The following CDA variants were observed in gnomAD, a reference collection of about 807,000 sequenced individuals.
CDA encodes the protein cytidine deaminase.
CDA carries 7 observed loss-of-function variants against 15.0 expected under a neutral mutation model. The ratio of observed to expected loss-of-function variants is 0.47; its 90% CI spans 0.26 to 0.87. CDA has a LOEUF of 0.87. Ranked by LOEUF, CDA falls within the 40% of genes least tolerant of loss-of-function variation. The probability of loss-of-function intolerance (pLI) is 0.15; values close to 1 mark genes in which losing one functional copy is unlikely to be tolerated. For missense variants in CDA, 159 were observed against 182.7 expected (o/e 0.87, Z 0.75); for synonymous variants, 58 against 73.0 (o/e 0.79, Z 1.05).
rs1185037165 is a variant in CDA, at chr1:20,605,014, G to T, written c.241G>T (p.Asp81Tyr). Residue 81 changes from aspartate to tyrosine, a missense_variant, in exon 2 of 4, where the codon GAT becomes TAT. Transcript: ENST00000375071. ...GAAGGCCGTCTCAGAAGGGTACAAG[G>T]ATTTCAGGGCAATTGCTATCGCCAG... ...IQKAVSEGYK[D>Y]FRAIAIASDM... 2 of 1,613,134 alleles carry T rather than the reference G, an allele frequency of 1.2e-6. No homozygotes were observed. The highest frequency in any genetic ancestry group is 1.7e-6 in the Non-Finnish European group (2 of 1,179,312).
At chr1:20,595,131 A>G (rs751893013) in intron 1 of CDA, among the ~76,000 whole-genome samples, 1 of 152,152 alleles carries the variant, frequency 6.6e-6, no homozygotes, top group Non-Finnish European at 1.5e-5. Context: ...TCTTCAGCTC[A>G]TGACCTTAGG....
chr1:20,612,082 C>T (rs1177039540), intron 2 of CDA, among the ~76,000 whole-genome samples: 2 of 152,072 alleles, frequency 1.3e-5, no homozygotes, highest in African/African-American at 4.8e-5. Flanking sequence ...AGGATGGTCT[C>T]GAACTCCTGA....
intron 2 of CDA, among the ~76,000 whole-genome samples, chr1:20,610,268 T>TA (rs2052734854): frequency 1.5e-5 from 1 of 66,208 alleles, no homozygotes; most frequent in South Asian, 3.7e-4. Context: ...TATCTTTTTT[T>TA]TTTTTATTTT....
intron 3 of CDA, among the ~76,000 whole-genome samples, chr1:20,615,824 A>C (rs1336483895): frequency 6.6e-6 from 1 of 152,102 alleles, no homozygotes; most frequent in East Asian, 1.9e-4. Flanking sequence ...CACATAGTAA[A>C]ACCCGGTCCC....
intron 1 of CDA, among the ~76,000 whole-genome samples, chr1:20,596,221 A>G (rs545884173): frequency 1.3e-5 from 2 of 152,340 alleles, no homozygotes; most frequent in Admixed American, 1.3e-4. Context: ...GAGTTCGAAT[A>G]TAATTCATAC....
chr1:20,606,260 G>A (rs567574121), intron 2 of CDA, among the ~76,000 whole-genome samples: 46 of 150,594 alleles, frequency 3.1e-4, no homozygotes, highest in African/African-American at 1.0e-3. Flanking sequence ...GCGTGAACCC[G>A]GGAGGTGGAG....
intron 1 of CDA, among the ~76,000 whole-genome samples, chr1:20,593,056 T>C (rs1384805205): frequency 6.6e-6 from 1 of 152,116 alleles, no homozygotes; most frequent in Non-Finnish European, 1.5e-5. Flanking sequence ...ATCACACCAC[T>C]GTACATCAGC....
intron 1 of CDA, among the ~76,000 whole-genome samples, chr1:20,602,493 G>A (rs533853663): frequency 3.3e-5 from 5 of 151,924 alleles, no homozygotes; most frequent in African/African-American, 9.7e-5. Flanking sequence ...GCATGATCTC[G>A]GCTCACTGCA....
rs1268458726 is a variant in CDA at position 20,604,909 on chromosome 1, G to A, written c.155-19G>A. 6.6e-7 allele frequency: 1 copy of A among 1,523,440 alleles called. No individual in the cohort carries two copies. Among genetic ancestry groups the A allele is most frequent in the Non-Finnish European group, 9.1e-7 (1 of 1,101,026 alleles). The allele number at this position is 1,523,440 out of a possible 1,614,324, so 94.4% of individuals were successfully genotyped here. On this transcript the variant is annotated intron_variant, in intron 1 of 3. Coordinates refer to ENST00000375071, the MANE Select transcript of CDA (RefSeq NM_001785.3). The stretch of plus-strand genomic sequence containing the variant: ...AGTGTCTCTGCCAGACATACCACTG[G>A]ACTCTGCTCTCTTCTCAGGGTGCAA...
Position 20,613,833 on chromosome 1 carries a change from C to T in CDA, c.267-9C>T. 6.2e-7 allele frequency: 1 copy of T among 1,613,628 alleles called. No individual in the cohort carries two copies. Among genetic ancestry groups the T allele is most frequent in the Non-Finnish European group, 8.5e-7 (1 of 1,179,566 alleles). ...AGACTAATTTGAGTTTGATTCTTTG[C>T]TTCCCCAGTGACATGCAAGATGATT... On this transcript the variant is annotated splice_polypyrimidine_tract_variant and intron_variant, in intron 2 of 3. Coordinates refer to ENST00000375071, the MANE Select transcript of CDA (RefSeq NM_001785.3).
intron 1 of CDA, among the ~76,000 whole-genome samples, chr1:20,603,735 A>G (rs34840123): frequency 0.12 from 17,785 of 152,250 alleles, 1,124 homozygotes; most frequent in East Asian, 0.17. Flanking sequence ...CAATTTACAA[A>G]CAGTGATACA....
intron 1 of CDA, among the ~76,000 whole-genome samples, chr1:20,603,695 C>G (rs1237402427): frequency 5.3e-5 from 8 of 152,194 alleles, no homozygotes; most frequent in Admixed American, 3.9e-4. Context: ...TACTGGGGAA[C>G]AACTCCTATC....
chr1:20,601,316 G>T (rs2052641891), intron 1 of CDA, among the ~76,000 whole-genome samples: 2 of 152,192 alleles, frequency 1.3e-5, no homozygotes, highest in Admixed American at 1.3e-4. Flanking sequence ...GTTTGAGTCA[G>T]GTGTTCATCT....
intron 1 of CDA, among the ~76,000 whole-genome samples, chr1:20,597,878 C>CT (rs1199135271): frequency 4.3e-5 from 6 of 139,454 alleles, no homozygotes; most frequent in South Asian, 4.7e-4. Flanking sequence ...GGCTTCCTTC[C>CT]TTTTTTTTTA....
rs72553953 is a variant in CDA, at chr1:20,613,963, C to A, written c.324+64C>A. 8.7e-3 allele frequency: 12,802 copies of A among 1,472,730 alleles called. 90 individuals are homozygous for A. Among genetic ancestry groups the A allele is most frequent in the South Asian group, 0.021 (1,876 of 87,918 alleles). 91.2% of individuals were successfully genotyped at this position (1,472,730 alleles called of 1,614,324 possible). On this transcript the variant is annotated intron_variant, in intron 3 of 3. Transcript: ENST00000375071. ...TCCCTGTCGCAGGCTATGGGAGCCA[C>A]GCCAAGTTGCAGGCATGGCAGGCAT... is the stretch of plus-strand genomic sequence containing the variant.
At chr1:20,618,409 C>T (rs1250879385) in intron 3 of CDA, 43 bp from the exon 4 acceptor site, 1 of 1,166,216 alleles carries the variant, frequency 8.6e-7, no homozygotes, top group South Asian at 1.3e-5. Context: ...TCAGCCCCCT[C>T]AGCCACGCTG....
intron 2 of CDA, among the ~76,000 whole-genome samples, chr1:20,606,767 G>A (rs760101532): frequency 3.9e-5 from 6 of 152,136 alleles, no homozygotes; most frequent in Non-Finnish European, 7.4e-5. Context: ...TATCCTAGTT[G>A]GTATGGCTTA....
chr1:20,591,115 G>A (rs765135876), intron 1 of CDA, among the ~76,000 whole-genome samples: 12 of 152,154 alleles, frequency 7.9e-5, no homozygotes, highest in Non-Finnish European at 1.6e-4. Context: ...CGAGGCAGGC[G>A]GATCACGATG....
At chr1:20,614,807 G>A (rs2052786969) in intron 3 of CDA, among the ~76,000 whole-genome samples, 1 of 152,186 alleles carries the variant, frequency 6.6e-6, no homozygotes, top group Non-Finnish European at 1.5e-5. Flanking sequence ...ATCACATGGG[G>A]CCTGGCCATG....
Sources: allele counts gnomAD v4.1 joint callset (sites outside exome capture counted in the v4.1 genomes callset), GRCh38; gene constraint gnomAD v4.1.1; transcripts MANE v1.5; gene names NCBI Gene and HGNC (gene_info 2026-07-23, HGNC 2026-07-21).